Variants in STXBP5L observed in about 807,000 individuals in gnomAD.
The protein encoded by STXBP5L is syntaxin binding protein 5L.
STXBP5L carries 65 observed loss-of-function variants against 144.5 expected under a neutral mutation model. The observed-to-expected ratio is 0.45, with a 90% CI of 0.37 to 0.55. STXBP5L has a LOEUF of 0.55. Among genes scored for constraint, STXBP5L ranks in the 20% least tolerant of loss-of-function variants. The pLI is 0.00. For synonymous variants in STXBP5L, 505 were observed against 469.6 expected (o/e 1.08, Z -0.97); for missense variants, 1,298 against 1,405.5 (o/e 0.92, Z 1.22).
At chr3:121,188,256 C>T in intron 9 of STXBP5L, among the ~76,000 whole-genome samples, 1 of 152,328 alleles carries the variant, frequency 6.6e-6, no homozygotes, top group Middle Eastern at 3.4e-3. Context: ...CCGCATCACA[C>T]TTACTCCCAT....
chr3:121,138,590 C>T (rs1490390238), intron 7 of STXBP5L, among the ~76,000 whole-genome samples: 2 of 151,916 alleles, frequency 1.3e-5, no homozygotes, highest in African/African-American at 2.4e-5. Flanking sequence ...TTAGAGAGCC[C>T]AACATAAAAA....
chr3:121,312,005 A>G (rs2043546928), intron 19 of STXBP5L, among the ~76,000 whole-genome samples: 1 of 152,202 alleles, frequency 6.6e-6, no homozygotes, highest in African/African-American at 2.4e-5. Flanking sequence ...ATATAGATCA[A>G]TGGAACAGAA....
chr3:121,342,109 A>G (rs767847696), intron 20 of STXBP5L, among the ~76,000 whole-genome samples: 48 of 152,150 alleles, frequency 3.2e-4, no homozygotes, highest in Non-Finnish European at 6.6e-4. Context: ...CCATAAATAT[A>G]TACACATACT....
chr3:121,144,371 A>AT (rs1243245082), intron 7 of STXBP5L, among the ~76,000 whole-genome samples: 3 of 151,860 alleles, frequency 2.0e-5, no homozygotes, highest in Admixed American at 1.3e-4. Flanking sequence ...GATCAGGTAT[A>AT]TGGAAAAGTG....
intron 2 of STXBP5L, among the ~76,000 whole-genome samples, chr3:120,920,797 G>T (rs561636153): frequency 2.6e-5 from 4 of 151,754 alleles, no homozygotes; most frequent in Non-Finnish European, 5.9e-5. Context: ...TTACATTCAT[G>T]TTACTGCAAG....
chr3:120,977,310 T>G (rs1043480550), intron 3 of STXBP5L, among the ~76,000 whole-genome samples: 4 of 152,334 alleles, frequency 2.6e-5, no homozygotes, highest in Non-Finnish European at 5.9e-5. Context: ...TGGCCTTCTT[T>G]GTCCCTTTTG....
rs1272501746 is a variant in STXBP5L, at chr3:121,303,295, C to CATCAGAGATGGCCATTGCACTGGCA, written c.2111-15172_2111-15171insTGGCCATTGCACTGGCAATCAGAGA. Among the ~76,000 whole-genome samples the CATCAGAGATGGCCATTGCACTGGCA allele has an allele frequency of 1.7e-3, 255 of 152,268 alleles. 1 individual carries two copies. Among genetic ancestry groups the CATCAGAGATGGCCATTGCACTGGCA allele is most frequent in the African/African-American group, 5.9e-3 (247 of 41,536 alleles). On this transcript the variant is annotated intron_variant, in intron 19 of 26. Transcript: ENST00000471454. ...TGAAAAAATGCTCATCATCACTGGC[C>CATCAGAGATGGCCATTGCACTGGCA]ATCAGAGAAATGCAAATCAAAACCA... is the stretch of plus-strand genomic sequence containing the variant.
At chr3:121,352,555 G>T (rs961766544) in intron 20 of STXBP5L, among the ~76,000 whole-genome samples, 1 of 152,082 alleles carries the variant, frequency 6.6e-6, no homozygotes, top group African/African-American at 2.4e-5. Context: ...CTTTGCTGAA[G>T]TTGCTTATCA....
At chr3:121,206,943 T>A (rs953497323) in intron 10 of STXBP5L, among the ~76,000 whole-genome samples, 1 of 152,266 alleles carries the variant, frequency 6.6e-6, no homozygotes, top group South Asian at 2.1e-4. Context: ...TTTATTTTAA[T>A]TCAAATTAAA....
chr3:121,212,022 G>A (rs2048593456), intron 10 of STXBP5L, among the ~76,000 whole-genome samples: 1 of 152,090 alleles, frequency 6.6e-6, no homozygotes, highest in African/African-American at 2.4e-5. Context: ...CTTTTGAGAA[G>A]TGTCTATTCA....
chr3:121,364,062 T>C (rs1054440431), intron 20 of STXBP5L, among the ~76,000 whole-genome samples: 1 of 152,200 alleles, frequency 6.6e-6, no homozygotes, highest in African/African-American at 2.4e-5. Context: ...TGTCTATTTT[T>C]TCATTTCTTG....
At chr3:121,067,641 T>C (rs2041609724) in intron 5 of STXBP5L, among the ~76,000 whole-genome samples, 1 of 152,186 alleles carries the variant, frequency 6.6e-6, no homozygotes, top group Non-Finnish European at 1.5e-5. Flanking sequence ...TTAATTGTGT[T>C]GTTAGATCTG....
chr3:121,202,351 A>T (rs2048172196), intron 9 of STXBP5L, among the ~76,000 whole-genome samples: 1 of 151,920 alleles, frequency 6.6e-6, no homozygotes, highest in Non-Finnish European at 1.5e-5. Flanking sequence ...TTTTCTTGTT[A>T]TTGGCAAATA....
chr3:121,000,968 A>T (rs1331372627), intron 3 of STXBP5L, among the ~76,000 whole-genome samples: 1 of 152,144 alleles, frequency 6.6e-6, no homozygotes, highest in African/African-American at 2.4e-5. Context: ...GGCTTCTCAA[A>T]GTTAACCATT....
chr3:121,091,783 G>C (rs1248185674), intron 5 of STXBP5L, among the ~76,000 whole-genome samples: 1 of 152,142 alleles, frequency 6.6e-6, no homozygotes, highest in Non-Finnish European at 1.5e-5. Flanking sequence ...AGTTTAATTA[G>C]ATCCCATTTG....
intron 3 of STXBP5L, among the ~76,000 whole-genome samples, chr3:120,980,897 G>C (rs1559947579): frequency 6.6e-6 from 1 of 152,116 alleles, no homozygotes; most frequent in Non-Finnish European, 1.5e-5. Context: ...AGCTGGTCTA[G>C]TAGTGATGAA....
At chr3:120,984,727 C>A (rs1169665412) in intron 3 of STXBP5L, among the ~76,000 whole-genome samples, 2 of 127,848 alleles carry the variant, frequency 1.6e-5, no homozygotes, top group Non-Finnish European at 3.2e-5. Context: ...GCATCCTTTT[C>A]TTATTGTTGA....
intron 22 of STXBP5L, among the ~76,000 whole-genome samples, chr3:121,405,754 T>C (rs2046981664): frequency 6.6e-6 from 1 of 152,122 alleles, no homozygotes; most frequent in South Asian, 2.1e-4. Context: ...TAATACATTG[T>C]TTGGAAAACT....
chr3:121,361,578 CTT>C (rs2108639564), intron 20 of STXBP5L, among the ~76,000 whole-genome samples: 1 of 152,116 alleles, frequency 6.6e-6, no homozygotes, highest in Admixed American at 6.5e-5. Flanking sequence ...TGTAAACACT[CTT>C]ATGCATTCTT....
Sources: gnomAD v4.1 joint callset for allele counts (sites outside exome capture counted in the v4.1 genomes callset) on GRCh38, gnomAD v4.1.1 for gene constraint, MANE v1.5 for transcripts, NCBI Gene and HGNC (gene_info 2026-07-23, HGNC 2026-07-21) for gene names.